The following FBXL5 variants were observed in gnomAD, a reference collection of about 807,000 sequenced individuals.
FBXL5 encodes the protein F-box/LRR-repeat protein 5.
A neutral mutation model predicts 78.3 loss-of-function variants in FBXL5; 26 were observed. The ratio of observed to expected loss-of-function variants is 0.33; its 90% CI spans 0.24 to 0.46. The LOEUF is 0.46. Among genes scored for constraint, FBXL5 ranks in the 20% least tolerant of loss-of-function variants. The probability of loss-of-function intolerance (pLI) is 1.00; values close to 1 mark genes in which losing one functional copy is unlikely to be tolerated. For missense variants in FBXL5, 710 were observed against 829.2 expected, an observed-to-expected ratio of 0.86 and a Z score of 1.77; for synonymous variants, 295 against 282.5, an observed-to-expected ratio of 1.04 and a Z score of -0.45.
chr4:15,608,803 T>A (rs1015160812), intron 10 of FBXL5, among the ~76,000 whole-genome samples: 4 of 152,024 alleles, frequency 2.6e-5, no homozygotes, highest in Admixed American at 1.3e-4. Flanking sequence ...ATAAGAGTAG[T>A]TACTGGTATT....
At chr4:15,661,067 G>A (rs10025875), upstream of FBXL5, among the ~76,000 whole-genome samples, 50,581 of 150,440 alleles carry the variant, frequency 0.34, 8,815 homozygotes, top group Non-Finnish European at 0.37. Context: ...ACAGAGCAAG[G>A]CTCCATTTCA....
chr4:15,620,026 G>A (rs55784324), intron 9 of FBXL5, among the ~76,000 whole-genome samples: 13,860 of 152,030 alleles, frequency 0.091, 775 homozygotes, highest in Non-Finnish European at 0.12. Context: ...CTATGATCAT[G>A]TCACTGCACT....
intron 9 of FBXL5, among the ~76,000 whole-genome samples, chr4:15,614,318 G>GCAGCTGCTC (rs1422892747): frequency 2.6e-5 from 4 of 152,342 alleles, no homozygotes; most frequent in Non-Finnish European, 5.9e-5. Context: ...ATGGGTACCA[G>GCAGCTGCTC]CACCTGCTCC....
chr4:15,627,877 A>T lies in FBXL5; in HGVS notation c.1041+8T>A. ...TTAATACCCAAACTAGTGTTAATTT[A>T]AACATACCATTTTGCTGGAAACTGC... On this transcript the variant is annotated splice_region_variant and intron_variant, in intron 7 of 10. Transcript: ENST00000341285. 6.3e-7 allele frequency: 1 copy of T among 1,596,218 alleles called. No individual in the cohort carries two copies. Among genetic ancestry groups the T allele is most frequent in the Non-Finnish European group, 8.5e-7 (1 of 1,176,484 alleles).
chr4:15,623,911 C>G (rs1712743096), intron 9 of FBXL5, among the ~76,000 whole-genome samples: 1 of 151,780 alleles, frequency 6.6e-6, no homozygotes. Context: ...CAAGCTCCGT[C>G]TCCCGGGTTC....
intron 9 of FBXL5, among the ~76,000 whole-genome samples, chr4:15,613,335 A>G (rs1402389596): frequency 6.6e-6 from 1 of 152,232 alleles, no homozygotes; most frequent in African/African-American, 2.4e-5. Flanking sequence ...TTTAAAAAGC[A>G]GTAAATTTTA....
chr4:15,611,458 TA>T (rs1214914735), intron 10 of FBXL5, among the ~76,000 whole-genome samples: 7 of 152,106 alleles, frequency 4.6e-5, no homozygotes, highest in Non-Finnish European at 1.0e-4. Context: ...CTGAGCCATC[TA>T]AAATTTTCTC....
chr4:15,631,003 G>T (rs2148596953), intron 5 of FBXL5, among the ~76,000 whole-genome samples: 1 of 152,190 alleles, frequency 6.6e-6, no homozygotes, highest in Non-Finnish European at 1.5e-5. Context: ...TGCCATGTTG[G>T]TTTGCTGCAC....
chr4:15,608,694 A>G (rs1722044411), intron 10 of FBXL5, among the ~76,000 whole-genome samples: 2 of 152,108 alleles, frequency 1.3e-5, no homozygotes, highest in South Asian at 4.2e-4. Context: ...ATTGTTTTCA[A>G]ATTTGAAAGC....
At chr4:15,647,784 T>C (rs909501287) in intron 1 of FBXL5, among the ~76,000 whole-genome samples, 1 of 152,210 alleles carries the variant, frequency 6.6e-6, no homozygotes, top group African/African-American at 2.4e-5. Context: ...CAGCAAGTCA[T>C]TACATTTCTT....
intron 3 of FBXL5, among the ~76,000 whole-genome samples, chr4:15,639,635 T>C (rs1714633000): frequency 6.6e-6 from 1 of 152,228 alleles, no homozygotes; most frequent in African/African-American, 2.4e-5. Context: ...ATAATTGTGA[T>C]GGATATCATA....
chr4:15,648,811 A>G (rs765221666), intron 1 of FBXL5, among the ~76,000 whole-genome samples: 2 of 152,162 alleles, frequency 1.3e-5, no homozygotes, highest in Non-Finnish European at 2.9e-5. Flanking sequence ...ACTATAGCTA[A>G]TAATACTGTA....
chr4:15,630,937 T>A, intron 5 of FBXL5, 146 bp from the exon 6 acceptor site: 1 of 1,009,204 alleles, frequency 9.9e-7, no homozygotes, highest in South Asian at 1.7e-5. Flanking sequence ...TTTTAATACT[T>A]TTAAGTTCTA....
upstream of FBXL5, among the ~76,000 whole-genome samples, chr4:15,664,712 C>G (rs1205095286): frequency 1.3e-5 from 2 of 151,894 alleles, no homozygotes; most frequent in African/African-American, 4.8e-5. Flanking sequence ...CGCCTGATAC[C>G]ACGCCCGGCT....
chr4:15,638,380 A>T, intron 4 of FBXL5, 128 bp downstream of exon 4: 1 of 497,304 alleles, frequency 2.0e-6, no homozygotes, highest in Non-Finnish European at 3.4e-6. Flanking sequence ...ACATGAAAAT[A>T]ATGCCTTTAA....
chr4:15,614,560 T>G (rs1004421179), intron 9 of FBXL5, among the ~76,000 whole-genome samples: 1 of 152,148 alleles, frequency 6.6e-6, no homozygotes, highest in Non-Finnish European at 1.5e-5. Flanking sequence ...GGTCTTTGGC[T>G]ACCAGGGTGG....
chr4:15,679,834 G>T (rs1266453619), intron 1 of FBXL5, among the ~76,000 whole-genome samples: 5 of 151,250 alleles, frequency 3.3e-5, no homozygotes, highest in Admixed American at 3.3e-4. Context: ...ATCACTCTAT[G>T]AAGGGCAACT....
intron 9 of FBXL5, among the ~76,000 whole-genome samples, chr4:15,619,986 C>G (rs1054517837): frequency 6.6e-6 from 1 of 152,066 alleles, no homozygotes; most frequent in Non-Finnish European, 1.5e-5. Context: ...AGAGGATCAC[C>G]TGAGCTTAGG....
rs554112388 is a variant in FBXL5, at chr4:15,617,414, G to A, written c.1851-5000C>T. Among the ~76,000 whole-genome samples the A allele has an allele frequency of 9.9e-5, 15 of 152,020 alleles. No homozygotes were observed. In the South Asian group the frequency reaches 1.5e-3, roughly 15 times the overall value. The stretch of plus-strand genomic sequence containing the variant: ...AAAAAAAAAATTAACCAGGTATGGC[G>A]GCATGAGCCTGTAGTCCCAGCTACT... On this transcript the variant is annotated intron_variant, in intron 9 of 10. Coordinates refer to ENST00000341285, the MANE Select transcript of FBXL5 (RefSeq NM_012161.4).
Sources: allele counts gnomAD v4.1 joint callset (sites outside exome capture counted in the v4.1 genomes callset), GRCh38; gene constraint gnomAD v4.1.1; transcripts MANE v1.5; gene names NCBI Gene and HGNC (gene_info 2026-07-23, HGNC 2026-07-21).